RBM26: variants seen among roughly 807,000 people sequenced by gnomAD.
RBM26 encodes the protein RNA binding motif protein 26.
A neutral mutation model predicts 123.6 loss-of-function variants in RBM26; 30 were observed. The ratio of observed to expected loss-of-function variants is 0.24; its 90% CI spans 0.18 to 0.33. RBM26 has a LOEUF of 0.33. Ranked by LOEUF, RBM26 falls within the 10% of genes least tolerant of loss-of-function variation. RBM26 has a pLI of 1.00. For missense variants in RBM26, 947 were observed against 1,203.6 expected (o/e 0.79, Z 3.15); for synonymous variants, 400 against 404.4 (o/e 0.99, Z 0.13).
intron 1 of RBM26, 90 bp from the exon 2 acceptor site, chr13:79,378,997 T>C (rs2076864316): frequency 1.2e-6 from 1 of 807,212 alleles, no homozygotes. Context: ...GAATAATAGT[T>C]AAGTGAGTTA....
intron 1 of RBM26, among the ~76,000 whole-genome samples, chr13:79,387,559 A>G (rs1029149342): frequency 4.5e-5 from 5 of 111,652 alleles, no homozygotes; most frequent in African/African-American, 1.8e-4. Flanking sequence ...TAGTTTACTC[A>G]TTTAAAAAAA....
intron 20 of RBM26, among the ~76,000 whole-genome samples, chr13:79,326,628 T>C (rs1436995072): frequency 6.6e-6 from 1 of 152,120 alleles, no homozygotes; most frequent in African/African-American, 2.4e-5. Context: ...AAACAGCCTG[T>C]AAAAAGACAC....
Position 79,371,529 on chromosome 13 carries a change from A to G in RBM26, c.416+313T>C, listed in dbSNP as rs187429054. Among the ~76,000 whole-genome samples, 413 of 152,218 alleles carry G rather than the reference A, an allele frequency of 2.7e-3. 3 individuals carry two copies. Among genetic ancestry groups the G allele is most frequent in the African/African-American group, 9.6e-3 (397 of 41,556 alleles). ...AGTGCTTTTGAAGCCTGAATGAGAA[A>G]AACAATTTAATCACACTAAATGGAA... On this transcript the variant is annotated intron_variant, in intron 4 of 21. Coordinates refer to ENST00000438737, the MANE Select transcript of RBM26 (RefSeq NM_001366735.2).
At chr13:79,394,596 A>G (rs1375223521) in intron 1 of RBM26, among the ~76,000 whole-genome samples, 1 of 152,194 alleles carries the variant, frequency 6.6e-6, no homozygotes, top group Non-Finnish European at 1.5e-5. Flanking sequence ...ATATTTGAAC[A>G]AAAGGAAGTC....
intron 9 of RBM26, among the ~76,000 whole-genome samples, chr13:79,360,602 C>G (rs921528546): frequency 1.3e-5 from 2 of 151,884 alleles, no homozygotes; most frequent in Non-Finnish European, 2.9e-5. Context: ...TTACACTAAT[C>G]CAATAATCTT....
chr13:79,396,382 TAAGAAAATAA>T (rs1265836977), intron 1 of RBM26, among the ~76,000 whole-genome samples: 1 of 152,076 alleles, frequency 6.6e-6, no homozygotes, highest in Non-Finnish European at 1.5e-5. Context: ...CAAAATTGAT[TAAGAAAATAA>T]AAGAGCAACC....
rs755398223 is a variant in RBM26 at position 79,368,779 on chromosome 13, G to C, written c.846C>G (p.Asn282Lys). ...SEFHEDQVDH[N>K]SYVRPPMPKK... is the part of the protein sequence containing the mutation. Reference sequence around the variant, plus strand: ...TTGGCATGGGTGGTCTTACGTAAGAGTTATGGTCCACTTGGTCTTCATGAA... The same window carrying C: ...TTGGCATGGGTGGTCTTACGTAAGACTTATGGTCCACTTGGTCTTCATGAA... Residue 282 changes from asparagine (N) to lysine (K), a missense_variant, in exon 6 of 22, where the codon AAC becomes AAG. Transcript: ENST00000438737. The C allele has an allele frequency of 1.2e-6, 2 of 1,613,870 alleles. No individual in the cohort carries two copies. Among genetic ancestry groups the C allele is most frequent in the Non-Finnish European group, 1.7e-6 (2 of 1,179,898 alleles).
At chr13:79,391,486 C>T (rs149862438) in intron 1 of RBM26, among the ~76,000 whole-genome samples, 88 of 152,168 alleles carry the variant, frequency 5.8e-4, no homozygotes, top group African/African-American at 2.1e-3. Context: ...TGCGGTGGCG[C>T]CATCTAGCGT....
At chr13:79,392,093 TA>T (rs2078085429) in intron 1 of RBM26, among the ~76,000 whole-genome samples, 2 of 137,212 alleles carry the variant, frequency 1.5e-5, no homozygotes, top group African/African-American at 5.3e-5. Flanking sequence ...AATTATATAA[TA>T]ATGTATTATA....
chr13:79,313,390 A>C (rs1458461474), exon 5 of RBM26: 5 of 151,772 alleles, frequency 3.3e-5, no homozygotes, highest in Non-Finnish European at 7.4e-5. Context: ...GTGAAAAATC[A>C]AACCAAACCA....
intron 3 of RBM26, among the ~76,000 whole-genome samples, chr13:79,375,079 T>TAC (rs2076530555): frequency 4.7e-5 from 1 of 21,400 alleles, no homozygotes; most frequent in Non-Finnish European, 8.3e-5. Flanking sequence ...ATTTATATGA[T>TAC]ATATATAAAT....
In RBM26 at chr13:79,358,264, T is replaced by C. The variant is rs769688286; in HGVS notation, c.1689+10A>G. On this transcript the variant is annotated intron_variant, in intron 11 of 21. Transcript: ENST00000438737. ...AAGAAGAGATAACAAAACCATTTCA[T>C]GGCTCTTACCTGTAAGTTAACCAAG... 3.2e-5 allele frequency: 51 copies of C among 1,573,784 alleles called. No individual in the cohort carries two copies. Among genetic ancestry groups the C allele is most frequent in the East Asian group, 2.5e-4 (11 of 43,694 alleles).
chr13:79,373,725 A>AT (rs1289289712), intron 3 of RBM26, among the ~76,000 whole-genome samples: 7 of 57,236 alleles, frequency 1.2e-4, no homozygotes, highest in African/African-American at 2.9e-4. Flanking sequence ...TACTATATAT[A>AT]ATAATATATA....
chr13:79,313,124 C>G (rs2066943617), exon 5 of RBM26: 1 of 151,728 alleles, frequency 6.6e-6, no homozygotes, highest in South Asian at 2.1e-4. Flanking sequence ...GCAGAGGAAA[C>G]TGCTTCATTC....
At chr13:79,371,552 GA>G (rs1314610809) in intron 4 of RBM26, among the ~76,000 whole-genome samples, 1 of 151,164 alleles carries the variant, frequency 6.6e-6, no homozygotes, top group Non-Finnish European at 1.5e-5. Flanking sequence ...ACACTAAATG[GA>G]AACAGCAGGC....
At chr13:79,402,134 G>C (rs2079103848) in intron 1 of RBM26, among the ~76,000 whole-genome samples, 1 of 151,582 alleles carries the variant, frequency 6.6e-6, no homozygotes, top group Non-Finnish European at 1.5e-5. Context: ...TACAACAAAG[G>C]AGCTTAATTT....
At chr13:79,328,683 T>TAAAAA (rs747906560) in intron 20 of RBM26, among the ~76,000 whole-genome samples, 461 of 37,542 alleles carry the variant, frequency 0.012, 1 homozygote, top group Non-Finnish European at 0.016. Flanking sequence ...CTGCATTAAG[T>TAAAAA]AAAAAAAAAA....
intron 14 of RBM26, among the ~76,000 whole-genome samples, chr13:79,345,998 A>C (rs1041776626): frequency 6.6e-6 from 1 of 152,234 alleles, no homozygotes; most frequent in Non-Finnish European, 1.5e-5. Flanking sequence ...ACATGAAAGC[A>C]TGTGTGTGAA....
intron 6 of RBM26, among the ~76,000 whole-genome samples, chr13:79,367,406 C>CAAAAAAAA (rs776345304): frequency 3.3e-4 from 13 of 39,660 alleles, no homozygotes; most frequent in South Asian, 2.1e-3. Context: ...GACTCCATCT[C>CAAAAAAAA]AAAAAAAAAA....
Sources: gnomAD v4.1 joint callset for allele counts (sites outside exome capture counted in the v4.1 genomes callset) on GRCh38, gnomAD v4.1.1 for gene constraint, MANE v1.5 for transcripts, NCBI Gene and HGNC (gene_info 2026-07-23, HGNC 2026-07-21) for gene names.